CYFIP2: variants seen among roughly 807,000 people sequenced by gnomAD.
CYFIP2 encodes the protein cytoplasmic FMR1-interacting protein 2.
A neutral mutation model predicts 158.7 loss-of-function variants in CYFIP2; 29 were observed. The observed-to-expected ratio is 0.18, with a 90% CI of 0.14 to 0.25. The LOEUF is 0.25. Among genes scored for constraint, CYFIP2 ranks in the 10% least tolerant of loss-of-function variants. The probability of loss-of-function intolerance (pLI) is 1.00; values close to 1 mark genes in which losing one functional copy is unlikely to be tolerated. For synonymous variants in CYFIP2, 585 were observed against 617.6 expected, an observed-to-expected ratio of 0.95 and a Z score of 0.78; for missense variants, 852 against 1,639.5, an observed-to-expected ratio of 0.52 and a Z score of 8.29.
At chr5:157,340,942 C>T (rs1030061796) in intron 22 of CYFIP2, 128 bp from the exon 23 acceptor site, 1 of 789,844 alleles carries the variant, frequency 1.3e-6, no homozygotes, top group East Asian at 2.6e-5. Flanking sequence ...TAGTCAACCA[C>T]CTAACAAACA....
chr5:157,306,577 A>G (rs1261974709), intron 8 of CYFIP2, among the ~76,000 whole-genome samples: 1 of 152,200 alleles, frequency 6.6e-6, no homozygotes, highest in Non-Finnish European at 1.5e-5. Context: ...AAAACGATGA[A>G]GTTCATTCTG....
intron 15 of CYFIP2, among the ~76,000 whole-genome samples, chr5:157,321,083 G>A (rs1760556735): frequency 6.6e-6 from 1 of 152,180 alleles, no homozygotes; most frequent in African/African-American, 2.4e-5. Context: ...TGGCTAATGG[G>A]GATAATACCA....
At chr5:157,267,494 T>C (rs1261635867) in intron 1 of CYFIP2, among the ~76,000 whole-genome samples, 1 of 152,208 alleles carries the variant, frequency 6.6e-6, no homozygotes, top group East Asian at 1.9e-4. Flanking sequence ...TGATGGTTGC[T>C]TTCTCCACCA....
At chr5:157,286,957 C>A in intron 2 of CYFIP2, 62 bp from the exon 3 acceptor site, 1 of 1,375,670 alleles carries the variant, frequency 7.3e-7, no homozygotes, top group Non-Finnish European at 1.0e-6. Context: ...GCCCTCTGGA[C>A]ACCCAGCCAA....
At chr5:157,325,905 G>T in intron 17 of CYFIP2, 1 of 538,398 alleles carries the variant, frequency 1.9e-6, no homozygotes, top group African/African-American at 1.9e-5. Context: ...GGAGCAGGTA[G>T]CTTGTATTCT....
intron 4 of CYFIP2, among the ~76,000 whole-genome samples, chr5:157,295,810 C>T (rs1257258426): frequency 6.6e-6 from 1 of 152,226 alleles, no homozygotes; most frequent in Non-Finnish European, 1.5e-5. Flanking sequence ...TGTCCCTGTG[C>T]TTACCTTGGC....
chr5:157,328,228 C>A (rs1761177885), intron 19 of CYFIP2, among the ~76,000 whole-genome samples, 179 bp downstream of exon 19: 1 of 152,196 alleles, frequency 6.6e-6, no homozygotes, highest in African/African-American at 2.4e-5. Flanking sequence ...AAGGGCTAAC[C>A]TCACACAGCC....
intron 14 of CYFIP2, among the ~76,000 whole-genome samples, 157 bp from the exon 15 acceptor site, chr5:157,320,498 A>G (rs1760505632): frequency 6.6e-6 from 1 of 152,236 alleles, no homozygotes; most frequent in Admixed American, 6.5e-5. Flanking sequence ...GTTAAACCAG[A>G]GTTTTGGAAT....
chr5:157,328,713 C>T (rs891428351), intron 19 of CYFIP2, among the ~76,000 whole-genome samples: 28 of 152,288 alleles, frequency 1.8e-4, no homozygotes, highest in African/African-American at 6.5e-4. Flanking sequence ...AACCGTGACC[C>T]GATTCGATTT....
At chr5:157,274,027 C>T (rs985913650) in intron 1 of CYFIP2, among the ~76,000 whole-genome samples, 7 of 150,174 alleles carry the variant, frequency 4.7e-5, no homozygotes, top group South Asian at 2.1e-4. Flanking sequence ...TCCAGCTACT[C>T]GGGAGGCTGA....
intron 26 of CYFIP2, chr5:157,380,035 T>C (rs1162357801): frequency 6.6e-6 from 1 of 152,178 alleles, no homozygotes; most frequent in African/African-American, 2.4e-5. Flanking sequence ...GATGGAATCA[T>C]GGAGGGTCGA....
At chr5:157,368,412 G>T (rs1561772943) in intron 26 of CYFIP2, among the ~76,000 whole-genome samples, 2 of 151,974 alleles carry the variant, frequency 1.3e-5, no homozygotes, top group African/African-American at 2.4e-5. Flanking sequence ...CTTGATCCAG[G>T]ATGATTTTGC....
At chr5:157,382,321 A>C (rs981692105) in intron 26 of CYFIP2, among the ~76,000 whole-genome samples, 3 of 152,196 alleles carry the variant, frequency 2.0e-5, no homozygotes, top group African/African-American at 7.2e-5. Context: ...TTGAGCTCTC[A>C]TTATGTACCT....
intron 20 of CYFIP2, among the ~76,000 whole-genome samples, chr5:157,332,111 C>G (rs1282320340): frequency 6.6e-6 from 1 of 152,130 alleles, no homozygotes; most frequent in Non-Finnish European, 1.5e-5. Flanking sequence ...CAGAAAGAAC[C>G]CCAGGGCTAA....
At position 157,311,640 on chromosome 5, in the gene CYFIP2, C is replaced by T; in HGVS notation, c.993-24C>T. The T allele has an allele frequency of 6.3e-7, 1 of 1,578,788 alleles. No individual in the cohort carries two copies. The highest frequency in any genetic ancestry group is 1.2e-5 in the South Asian group (1 of 85,986). ...CAGGCGCCTGAGGCTGGGACCCTCT[C>T]CGACCCCATAATTTTCTACCCAGGT... On this transcript the variant is annotated intron_variant, in intron 10 of 30. Coordinates refer to ENST00000620254, the MANE Select transcript of CYFIP2 (RefSeq NM_001037333.3). The surrounding 1 kb of genome is among the most constrained non-coding windows in gnomAD (Gnocchi z 4.7).
intron 28 of CYFIP2, among the ~76,000 whole-genome samples, chr5:157,388,590 A>G (rs555109864): frequency 6.6e-6 from 1 of 152,296 alleles, no homozygotes; most frequent in South Asian, 2.1e-4. Context: ...GTGATTGTAC[A>G]TTGTCAATGT....
chr5:157,333,236 G>T, intron 20 of CYFIP2, 91 bp from the exon 21 acceptor site: 1 of 1,544,906 alleles, frequency 6.5e-7, no homozygotes, highest in Non-Finnish European at 8.8e-7. Context: ...CTCCCACCTT[G>T]GTCCCCCAAA....
At chr5:157,267,391 C>T (rs1370113997) in intron 1 of CYFIP2, among the ~76,000 whole-genome samples, 1 of 152,186 alleles carries the variant, frequency 6.6e-6, no homozygotes, top group Non-Finnish European at 1.5e-5. Context: ...TCTCACCTTA[C>T]TCTTGGATAC....
intron 1 of CYFIP2, among the ~76,000 whole-genome samples, chr5:157,267,723 TTTTAATGGGAAACAAAGC>T (rs1298361394): frequency 1.3e-5 from 2 of 152,252 alleles, no homozygotes; most frequent in African/African-American, 2.4e-5. Flanking sequence ...GATGGAGGCA[TTTTAATGGGAAACAAAGC>T]TTTAATGGGA....
Sources: allele counts gnomAD v4.1 joint callset (sites outside exome capture counted in the v4.1 genomes callset), GRCh38; gene constraint gnomAD v4.1.1; non-coding constraint Gnocchi (gnomAD v3.1); transcripts MANE v1.5; gene names NCBI Gene and HGNC (gene_info 2026-07-23, HGNC 2026-07-21).